The following ATP11A variants were observed in gnomAD, a reference collection of about 807,000 sequenced individuals.
ATP11A encodes the protein phospholipid-transporting ATPase IH.
Under a neutral mutation model 154.4 loss-of-function variants are expected in ATP11A, and 81 were observed. That is an observed-to-expected ratio of 0.52 (90% CI 0.44 to 0.63). The LOEUF (loss-of-function observed/expected upper bound fraction) is 0.63. Among genes scored for constraint, ATP11A ranks in the 30% least tolerant of loss-of-function variants. The pLI, the probability that ATP11A is intolerant of heterozygous loss-of-function variation, is 0.00. For synonymous variants in ATP11A, 623 were observed against 585.9 expected, an observed-to-expected ratio of 1.06 and a Z score of -0.91; for missense variants, 1,316 against 1,474.3, an observed-to-expected ratio of 0.89 and a Z score of 1.76.
intron 25 of ATP11A, among the ~76,000 whole-genome samples, chr13:112,864,981 T>A (rs2080272612): frequency 7.0e-6 from 1 of 143,348 alleles, no homozygotes; most frequent in South Asian, 2.3e-4. Context: ...ACCTGCACAG[T>A]AATTCAGTGC....
intron 1 of ATP11A, among the ~76,000 whole-genome samples, chr13:112,758,426 T>C (rs2139858494): frequency 6.6e-6 from 1 of 150,456 alleles, no homozygotes; most frequent in East Asian, 2.0e-4. Flanking sequence ...TTTTTTCTTT[T>C]TTTTCTTTTT....
chr13:112,717,735 G>A (rs780076160), intron 1 of ATP11A: 1 of 152,226 alleles, frequency 6.6e-6, no homozygotes, highest in Non-Finnish European at 1.5e-5. Context: ...TACATGTTGT[G>A]TGATGCCATT....
At chr13:112,824,227 A>G (rs973398155) in intron 9 of ATP11A, 117 bp from the exon 10 acceptor site, 1 of 796,372 alleles carries the variant, frequency 1.3e-6, no homozygotes, top group African/African-American at 1.7e-5. Context: ...AGCTTATGAA[A>G]TTAAAAATAG....
At chr13:112,764,136 G>A (rs567203908) in intron 1 of ATP11A, among the ~76,000 whole-genome samples, 2 of 152,318 alleles carry the variant, frequency 1.3e-5, no homozygotes, top group African/African-American at 2.4e-5. Flanking sequence ...CTGTTTGGCC[G>A]TAGCCCCCAT....
At position 112,866,275 on chromosome 13, in the gene ATP11A, G is replaced by A. The variant is rs574038392; in HGVS notation, c.2991+3700G>A. ...AACGTGAATTCCTGTGTGCTTTGTC[G>A]GTAGAAACGCTGTTAGCCGCTGCTG... On this transcript the variant is annotated intron_variant, in intron 25 of 29. Transcript: ENST00000375645. 3.9e-5 allele frequency among the ~76,000 whole-genome samples: 6 copies of A among 152,212 alleles called. No individual in the cohort carries two copies. The East Asian group carries it at 7.8e-4, about 20-fold the overall frequency.
At chr13:112,829,774 C>T (rs1301909626) in intron 12 of ATP11A, among the ~76,000 whole-genome samples, 1 of 152,174 alleles carries the variant, frequency 6.6e-6, no homozygotes, top group Non-Finnish European at 1.5e-5. Context: ...ATGACACAAT[C>T]TTATATATAG....
intron 25 of ATP11A, among the ~76,000 whole-genome samples, chr13:112,862,848 GCGGGGTC>G (rs2080158980): frequency 6.8e-6 from 1 of 146,506 alleles, no homozygotes; most frequent in African/African-American, 2.6e-5. Context: ...CAGTTTCCCA[GCGGGGTC>G]CATCACCACG....
chr13:112,805,553 G>A (rs112770314), intron 3 of ATP11A, among the ~76,000 whole-genome samples: 9,883 of 152,008 alleles, frequency 0.065, 527 homozygotes, highest in African/African-American at 0.14. Context: ...GTGCACACCT[G>A]TAGTCCCAGC....
chr13:112,708,847 G>A (rs546306971), intron 1 of ATP11A, among the ~76,000 whole-genome samples: 1 of 152,326 alleles, frequency 6.6e-6, no homozygotes, highest in East Asian at 1.9e-4. Flanking sequence ...GGGGGAGGGG[G>A]AGTTTGTGCA....
At chr13:112,701,342 C>A (rs1466321505) in intron 1 of ATP11A, among the ~76,000 whole-genome samples, 3 of 152,134 alleles carry the variant, frequency 2.0e-5, no homozygotes, top group Non-Finnish European at 4.4e-5. Flanking sequence ...TGGCGTTTGG[C>A]AGTCAAGTTG....
chr13:112,795,125 A>G (rs564539381), intron 2 of ATP11A, among the ~76,000 whole-genome samples: 1 of 143,754 alleles, frequency 7.0e-6, no homozygotes, highest in East Asian at 2.2e-4. Context: ...GTTGCCTGTA[A>G]TCCCAGCTAC....
At chr13:112,852,310 C>T (rs1436916898) in intron 18 of ATP11A, among the ~76,000 whole-genome samples, 1 of 152,186 alleles carries the variant, frequency 6.6e-6, no homozygotes, top group African/African-American at 2.4e-5. Context: ...AAACTGAAAT[C>T]CTTATCACTA....
chr13:112,775,033 C>T (rs1435800730), intron 1 of ATP11A, among the ~76,000 whole-genome samples: 1 of 152,246 alleles, frequency 6.6e-6, no homozygotes, highest in Non-Finnish European at 1.5e-5. Flanking sequence ...CGGGCTGCAG[C>T]GTGTGCCTCG....
intron 1 of ATP11A, among the ~76,000 whole-genome samples, chr13:112,694,312 C>T (rs1413435873): frequency 1.3e-5 from 2 of 152,198 alleles, no homozygotes; most frequent in African/African-American, 4.8e-5. Context: ...TTTGTCATGC[C>T]TGGCTGTTAA....
intron 10 of ATP11A, 75 bp downstream of exon 10, chr13:112,824,500 CTT>C: frequency 1.4e-6 from 2 of 1,416,210 alleles, no homozygotes; most frequent in Non-Finnish European, 2.0e-6. Context: ...GTAGCTTCCT[CTT>C]GGCCTTATTG....
intron 1 of ATP11A, among the ~76,000 whole-genome samples, chr13:112,769,227 G>A (rs955715756): frequency 6.6e-6 from 1 of 152,166 alleles, no homozygotes; most frequent in Non-Finnish European, 1.5e-5. Flanking sequence ...ACCCCTGAGC[G>A]TGTGCCAGGG....
chr13:112,821,713 CCAAATTCT>C (rs1462409612), intron 8 of ATP11A, among the ~76,000 whole-genome samples: 1 of 152,120 alleles, frequency 6.6e-6, no homozygotes, highest in Non-Finnish European at 1.5e-5. Context: ...AATTACGCAC[CCAAATTCT>C]CAATCCATTC....
chr13:112,751,019 A>G (rs1812575059), intron 1 of ATP11A, among the ~76,000 whole-genome samples: 1 of 152,262 alleles, frequency 6.6e-6, no homozygotes, highest in African/African-American at 2.4e-5. Context: ...GAATTGAGGC[A>G]TAACACGTAG....
chr13:112,695,976 T>TGA (rs1885750098), intron 1 of ATP11A, among the ~76,000 whole-genome samples: 1 of 152,250 alleles, frequency 6.6e-6, no homozygotes, highest in Non-Finnish European at 1.5e-5. Context: ...TATTATTATC[T>TGA]GAGAAGAACA....
Sources: gnomAD v4.1 joint callset for allele counts (sites outside exome capture counted in the v4.1 genomes callset) on GRCh38, gnomAD v4.1.1 for gene constraint, MANE v1.5 for transcripts, NCBI Gene and HGNC (gene_info 2026-07-23, HGNC 2026-07-21) for gene names.